Variants in HIRA observed in about 807,000 individuals in gnomAD.
HIRA encodes the protein protein HIRA.
HIRA carries 13 observed loss-of-function variants against 126.6 expected under a neutral mutation model. The ratio of observed to expected loss-of-function variants is 0.10; its 90% CI spans 0.07 to 0.16. The LOEUF is 0.16. Among genes scored for constraint, HIRA ranks in the 10% least tolerant of loss-of-function variants. HIRA has a pLI of 1.00. For synonymous variants in HIRA, 511 were observed against 520.0 expected, an observed-to-expected ratio of 0.98 and a Z score of 0.24; for missense variants, 834 against 1,314.4, an observed-to-expected ratio of 0.63 and a Z score of 5.65.
Position 19,385,745 on chromosome 22 carries a change from G to T in HIRA, c.1114-9C>A. Reference sequence around the variant, plus strand: ...GACTGGTGAATGCGGCTCTGGGGAAGCAAGGAGAGGCATGACATGCCAGCA... The same window carrying T: ...GACTGGTGAATGCGGCTCTGGGGAATCAAGGAGAGGCATGACATGCCAGCA... On this transcript the variant is annotated splice_polypyrimidine_tract_variant and intron_variant, in intron 11 of 24. Coordinates refer to ENST00000263208, the MANE Select transcript of HIRA (RefSeq NM_003325.4). 6.2e-7 allele frequency: 1 copy of T among 1,609,812 alleles called. No homozygotes were observed.
At chr22:19,352,248 G>A (rs1305376340) in intron 23 of HIRA, among the ~76,000 whole-genome samples, 1 of 151,954 alleles carries the variant, frequency 6.6e-6, no homozygotes, top group Non-Finnish European at 1.5e-5. Flanking sequence ...AAGATGGGTG[G>A]CGGGGCGGAG....
At chr22:19,355,558 G>C (rs1413989155) in intron 21 of HIRA, among the ~76,000 whole-genome samples, 1 of 152,198 alleles carries the variant, frequency 6.6e-6, no homozygotes, top group African/African-American at 2.4e-5. Context: ...CTGCACACAG[G>C]CTCTGAGGGC....
At chr22:19,419,996 T>A (rs879804525) in intron 1 of HIRA, among the ~76,000 whole-genome samples, 2 of 151,832 alleles carry the variant, frequency 1.3e-5, no homozygotes, top group Non-Finnish European at 1.5e-5. Flanking sequence ...GCCTAAGAGA[T>A]TGAAAACATA....
chr22:19,414,898 A>G (rs991687094), intron 1 of HIRA, among the ~76,000 whole-genome samples: 1 of 152,028 alleles, frequency 6.6e-6, no homozygotes, highest in Non-Finnish European at 1.5e-5. Context: ...AAACAAAACA[A>G]AACAAAAAAT....
Position 19,356,269 on chromosome 22 carries a change from C to T in HIRA, c.2416G>A (p.Val806Ile). Residue 806 changes from valine to isoleucine, a missense_variant, in exon 20 of 25, where the codon GTT (valine) becomes ATT (isoleucine). This residue lies in a region of HIRA where 468 missense variants were observed against 574.2 expected (regional missense o/e 0.82). Coordinates refer to ENST00000263208, the MANE Select transcript of HIRA (RefSeq NM_003325.4). ...LSVWDVHRQV[V>I]VVKEESLHSI... Reference sequence around the variant, plus strand: ...TGTAGAGACTCTTCTTTCACCACAACCACCTGTCTGTGAACATCCCTAGGA... The same window carrying T: ...TGTAGAGACTCTTCTTTCACCACAATCACCTGTCTGTGAACATCCCTAGGA... The T allele has an allele frequency of 1.2e-6, 2 of 1,614,070 alleles. No homozygotes were observed. Among genetic ancestry groups the T allele is most frequent in the Non-Finnish European group, 8.5e-7 (1 of 1,179,952 alleles).
intron 20 of HIRA, 47 bp from the exon 21 acceptor site, chr22:19,355,912 G>A: frequency 7.4e-7 from 1 of 1,342,484 alleles, no homozygotes; most frequent in Non-Finnish European, 1.1e-6. Context: ...TGATCAGCAA[G>A]TGTTTTCAAA....
At chr22:19,394,611 GGTGGAGC>G in intron 7 of HIRA, 102 bp from the exon 8 acceptor site, 2 of 1,178,926 alleles carry the variant, frequency 1.7e-6, no homozygotes, top group South Asian at 2.9e-5. Context: ...AATGTGTGAT[GGTGGAGC>G]ATGCACCCCA....
At chr22:19,333,625 T>C (rs566589957) in intron 24 of HIRA, among the ~76,000 whole-genome samples, 1 of 152,292 alleles carries the variant, frequency 6.6e-6, no homozygotes, top group African/African-American at 2.4e-5. Context: ...ACCCCCGTCT[T>C]TCCTCAAATT....
chr22:19,375,754 G>A lies in HIRA; in HGVS notation c.1652C>T (p.Ser551Phe). 3.1e-6 allele frequency: 5 copies of A among 1,614,194 alleles called. No homozygotes were observed. Among genetic ancestry groups the A allele is most frequent in the Non-Finnish European group, 4.2e-6 (5 of 1,180,034 alleles). ...GATCTTGGACGGGGTCGTTAACACA[G>A]AAGGTGACAATGCAGCAGGAGTAGA... Reference protein sequence around the residue: ...ATSTPAALSPSVLTTPSKIEP... With the variant: ...ATSTPAALSPFVLTTPSKIEP... The change falls in exon 15 of 25, where the codon TCT (serine) becomes TTT (phenylalanine). Residue 551 changes from serine (S) to phenylalanine (F), a missense_variant. Physicochemically the swap from Ser to Phe is radical, Grantham distance 155. Coordinates refer to ENST00000263208, the MANE Select transcript of HIRA (RefSeq NM_003325.4).
At chr22:19,387,223 T>C (rs2089135271) in intron 11 of HIRA, among the ~76,000 whole-genome samples, 1 of 152,238 alleles carries the variant, frequency 6.6e-6, no homozygotes, top group South Asian at 2.1e-4. Flanking sequence ...AGCCATGCTA[T>C]TTTCTGAGGC....
intron 1 of HIRA, among the ~76,000 whole-genome samples, chr22:19,421,541 A>C (rs2089446367): frequency 1.3e-5 from 2 of 152,236 alleles, no homozygotes; most frequent in South Asian, 4.1e-4. Context: ...CCACATTAAA[A>C]GTTTTAACAA....
At chr22:19,376,520 C>T (rs2089020542) in intron 14 of HIRA, among the ~76,000 whole-genome samples, 1 of 152,188 alleles carries the variant, frequency 6.6e-6, no homozygotes, top group African/African-American at 2.4e-5. Context: ...TGGACAGCCC[C>T]ATTCTTCTCC....
intron 18 of HIRA, 113 bp downstream of exon 18, chr22:19,359,223 T>C: frequency 7.1e-6 from 8 of 1,132,256 alleles, no homozygotes; most frequent in Non-Finnish European, 9.5e-6. Flanking sequence ...TGTGAGTCTC[T>C]GTGGGAGCTG....
intron 24 of HIRA, among the ~76,000 whole-genome samples, chr22:19,333,839 A>G (rs554497892): frequency 6.6e-6 from 1 of 152,002 alleles, no homozygotes; most frequent in East Asian, 1.9e-4. Context: ...AAGTTTGCTG[A>G]TTTACCCTTT....
chr22:19,378,334 A>G (rs1462612886), intron 13 of HIRA, among the ~76,000 whole-genome samples: 2 of 152,228 alleles, frequency 1.3e-5, no homozygotes, highest in African/African-American at 2.4e-5. Flanking sequence ...AACACACCCA[A>G]ATCTCAGAGG....
At chr22:19,427,579 T>C (rs1332470015) in intron 1 of HIRA, among the ~76,000 whole-genome samples, 1 of 152,230 alleles carries the variant, frequency 6.6e-6, no homozygotes, top group African/African-American at 2.4e-5. Context: ...TAAGGCCATG[T>C]GATTACCAGC....
intron 24 of HIRA, among the ~76,000 whole-genome samples, chr22:19,337,884 C>T (rs2088583753): frequency 6.6e-6 from 1 of 152,134 alleles, no homozygotes; most frequent in Non-Finnish European, 1.5e-5. Flanking sequence ...CTCTGCCGCC[C>T]TGGTTCACGC....
chr22:19,372,380 C>A (rs571998864), intron 15 of HIRA, among the ~76,000 whole-genome samples: 1 of 152,206 alleles, frequency 6.6e-6, no homozygotes, highest in East Asian at 1.9e-4. Flanking sequence ...TGTATATATT[C>A]TCTGCAGTTT....
intron 1 of HIRA, among the ~76,000 whole-genome samples, chr22:19,427,552 G>C (rs1365728964): frequency 2.6e-5 from 4 of 152,162 alleles, no homozygotes; most frequent in Non-Finnish European, 5.9e-5. Context: ...TCGCAGGACA[G>C]GAGAAAATAC....
Sources: allele counts gnomAD v4.1 joint callset (sites outside exome capture counted in the v4.1 genomes callset), GRCh38; gene constraint gnomAD v4.1.1; regional missense constraint gnomAD v4.1.1; transcripts MANE v1.5; gene names NCBI Gene and HGNC (gene_info 2026-07-23, HGNC 2026-07-21).